XKR4: variants seen among roughly 807,000 people sequenced by gnomAD.
XKR4 encodes the protein XK related 4.
In XKR4, 12 loss-of-function variants were observed where a neutral mutation model predicts 53.9. The ratio of observed to expected loss-of-function variants is 0.22; its 90% confidence interval spans 0.14 to 0.36. The LOEUF (loss-of-function observed/expected upper bound fraction) is 0.36. XKR4 is among the 10% of genes least tolerant of loss of function. The pLI, the probability that XKR4 is intolerant of heterozygous loss-of-function variation, is 1.00. For synonymous variants in XKR4, 354 were observed against 362.4 expected (o/e 0.98, Z 0.26); for missense variants, 799 against 859.5 (o/e 0.93, Z 0.88).
chr8:55,454,920 G>A lies in XKR4; in HGVS notation c.1007-68361G>A, dbSNP rs1005750527. On this transcript the variant is annotated intron_variant, in intron 2 of 2. Coordinates refer to ENST00000327381, the MANE Select transcript of XKR4 (RefSeq NM_052898.2). Reference sequence around the variant, plus strand: ...GAAGGTCAAGCAGCACAGTAGTGGCGCCCGGAGTTGATGTCGGTGAGGACA... The same window carrying A: ...GAAGGTCAAGCAGCACAGTAGTGGCACCCGGAGTTGATGTCGGTGAGGACA... 6.1e-5 allele frequency: 47 copies of A among 775,026 alleles called. 2 individuals are homozygous for A. Among genetic ancestry groups the A allele is most frequent in the South Asian group, 4.0e-4 (29 of 71,760 alleles). The allele number at this position is 775,026 out of a possible 1,614,324, so 48.0% of individuals were successfully genotyped here.
At chr8:55,249,182 G>C in intron 1 of XKR4, among the ~76,000 whole-genome samples, 1 of 152,172 alleles carries the variant, frequency 6.6e-6, no homozygotes, top group East Asian at 1.9e-4. Context: ...ATTGTTGAAA[G>C]GGGTATTTCC....
intron 1 of XKR4, among the ~76,000 whole-genome samples, chr8:55,306,036 G>A (rs1382696777): frequency 6.6e-6 from 1 of 152,182 alleles, no homozygotes; most frequent in Non-Finnish European, 1.5e-5. Flanking sequence ...GGGATCAGGT[G>A]AAAGATAAGA....
rs1371250812 is a variant in XKR4, at chr8:55,157,446, C to T, written c.806+54152C>T. Among the ~76,000 whole-genome samples, 4 of 151,872 alleles carry T rather than the reference C, an allele frequency of 2.6e-5. 1 individual carries two copies. The East Asian group carries it at 5.8e-4, about 22-fold the overall frequency. The stretch of plus-strand genomic sequence containing the variant: ...ATTTCAACTCTTAATGTGTGCTTAT[C>T]TTCTGCAAGATGAGAAAAGCTTATA... On this transcript the variant is annotated intron_variant, in intron 1 of 2. Transcript: ENST00000327381.
chr8:55,389,383 T>C (rs975945222), intron 2 of XKR4, among the ~76,000 whole-genome samples: 1 of 152,330 alleles, frequency 6.6e-6, no homozygotes, highest in South Asian at 2.1e-4. Context: ...CTGTAACCTA[T>C]GCAGAATTTA....
intron 1 of XKR4, among the ~76,000 whole-genome samples, chr8:55,306,818 A>G (rs548627701): frequency 1.8e-4 from 27 of 152,330 alleles, no homozygotes; most frequent in African/African-American, 6.3e-4. Flanking sequence ...AGGCAATTCA[A>G]TGACAGAAAG....
chr8:55,133,941 C>T (rs191541093), intron 1 of XKR4, among the ~76,000 whole-genome samples: 9 of 152,268 alleles, frequency 5.9e-5, no homozygotes, highest in Middle Eastern at 3.4e-3. Context: ...GAAGTGAAAA[C>T]GTCCATAACA....
chr8:55,273,322 A>C (rs1411207522), intron 1 of XKR4, among the ~76,000 whole-genome samples: 1 of 152,170 alleles, frequency 6.6e-6, no homozygotes, highest in Non-Finnish European at 1.5e-5. Flanking sequence ...TCTAACCTCC[A>C]AGCTGTCCTT....
intron 2 of XKR4, among the ~76,000 whole-genome samples, chr8:55,421,362 C>T (rs1048625324): frequency 2.0e-5 from 3 of 152,198 alleles, no homozygotes; most frequent in African/African-American, 7.2e-5. Context: ...TCCCACCTTG[C>T]CATACGGTTT....
intron 1 of XKR4, among the ~76,000 whole-genome samples, chr8:55,215,619 C>A (rs927874746): frequency 6.6e-6 from 1 of 152,082 alleles, no homozygotes; most frequent in Non-Finnish European, 1.5e-5. Context: ...GTTAAAAAAT[C>A]TGATTTTTAG....
intron 2 of XKR4, among the ~76,000 whole-genome samples, chr8:55,437,300 G>A (rs527639153): frequency 5.3e-4 from 80 of 152,082 alleles, no homozygotes; most frequent in Non-Finnish European, 8.7e-4. Context: ...CAAAATGCTG[G>A]GATTACAGGC....
At chr8:55,106,788 C>T (rs1824302947) in intron 1 of XKR4, among the ~76,000 whole-genome samples, 1 of 152,098 alleles carries the variant, frequency 6.6e-6, no homozygotes, top group African/African-American at 2.4e-5. Context: ...TTTCACTATT[C>T]TTACTCTTCT....
At chr8:55,199,229 GA>G (rs956520513) in intron 1 of XKR4, among the ~76,000 whole-genome samples, 7 of 149,674 alleles carry the variant, frequency 4.7e-5, no homozygotes, top group African/African-American at 1.2e-4. Context: ...TTACAAAAAA[GA>G]AAAAAAAATG....
chr8:55,309,993 T>C lies in XKR4; in HGVS notation c.807-47685T>C, dbSNP rs535205321. ...TAACCTATTTATGAGGATCCTTAAT[T>C]CAGGGGGTCCTTCATTCATCTGGAA... is the stretch of plus-strand genomic sequence containing the variant. On this transcript the variant is annotated intron_variant, in intron 1 of 2. Transcript: ENST00000327381. Among the ~76,000 whole-genome samples the C allele has an allele frequency of 9.9e-5, 15 of 152,270 alleles. No individual in the cohort carries two copies. The South Asian group carries it at 3.1e-3, about 32-fold the overall frequency.
rs746344695 is a variant in XKR4, at chr8:55,195,142, A to ACAGT, written c.806+91848_806+91849insCAGT. Among the ~76,000 whole-genome samples, 283 of 145,384 alleles carry ACAGT rather than the reference A, an allele frequency of 1.9e-3. 7 individuals carry two copies. Among genetic ancestry groups the ACAGT allele is most frequent in the South Asian group, 2.3e-3 (11 of 4,720 alleles). ...TCCCTTGTTTATTTCAGCAACAAAT[A>ACAGT]ATTTTCACCGACAAGTCCATGAACT... On this transcript the variant is annotated intron_variant, in intron 1 of 2. Coordinates refer to ENST00000327381, the MANE Select transcript of XKR4 (RefSeq NM_052898.2).
chr8:55,235,269 C>T (rs1172782682), intron 1 of XKR4, among the ~76,000 whole-genome samples: 2 of 152,294 alleles, frequency 1.3e-5, no homozygotes, highest in South Asian at 2.1e-4. Context: ...CCTGATCCAG[C>T]GTGATCTCAG....
intron 1 of XKR4, among the ~76,000 whole-genome samples, chr8:55,258,796 C>A (rs966486586): frequency 1.3e-5 from 2 of 152,190 alleles, no homozygotes; most frequent in Non-Finnish European, 2.9e-5. Flanking sequence ...GCTGTCACTT[C>A]CTTGCTGTCC....
chr8:55,200,474 G>A (rs1351651966), intron 1 of XKR4, among the ~76,000 whole-genome samples: 1 of 152,124 alleles, frequency 6.6e-6, no homozygotes, highest in Admixed American at 6.5e-5. Context: ...GGATAATTTA[G>A]GCAATCCTAC....
chr8:55,272,946 C>T, intron 1 of XKR4: 2 of 450,832 alleles, frequency 4.4e-6, no homozygotes, highest in South Asian at 3.2e-5. Flanking sequence ...ATAAACACCA[C>T]TGCCTACATT....
At chr8:55,329,748 A>G (rs1803355702) in intron 1 of XKR4, among the ~76,000 whole-genome samples, 1 of 152,172 alleles carries the variant, frequency 6.6e-6, no homozygotes, top group South Asian at 2.1e-4. Flanking sequence ...TCATGCAAAT[A>G]AATCCTATTG....
Sources: allele counts gnomAD v4.1 joint callset (sites outside exome capture counted in the v4.1 genomes callset), GRCh38; gene constraint gnomAD v4.1.1; transcripts MANE v1.5; gene names NCBI Gene and HGNC (gene_info 2026-07-23, HGNC 2026-07-21).